The following EPHB1 variants were observed in gnomAD, a reference collection of about 807,000 sequenced individuals.
EPHB1 encodes EPH receptor B1.
In EPHB1, 30 loss-of-function variants were observed where a neutral mutation model predicts 94.4. That is an observed-to-expected ratio of 0.32 (90% CI 0.24 to 0.43). EPHB1 has a LOEUF of 0.43. EPHB1 is among the 20% of genes least tolerant of loss of function. EPHB1 has a pLI of 1.00. For missense variants in EPHB1, 1,055 were observed against 1,308.3 expected (o/e 0.81, Z 2.99); for synonymous variants, 522 against 489.1 (o/e 1.07, Z -0.89).
chr3:135,063,944 G>C (rs1229299849), intron 3 of EPHB1, among the ~76,000 whole-genome samples: 3 of 152,106 alleles, frequency 2.0e-5, no homozygotes, highest in African/African-American at 7.2e-5. Context: ...TGCATCTATT[G>C]AGATGATTAT....
At chr3:134,872,558 A>T (rs1453220987) in intron 1 of EPHB1, among the ~76,000 whole-genome samples, 1 of 152,242 alleles carries the variant, frequency 6.6e-6, no homozygotes, top group Non-Finnish European at 1.5e-5. Flanking sequence ...ATTTCCAATA[A>T]ATAAAGCAAA....
chr3:134,817,972 C>T (rs1425376046), intron 1 of EPHB1, among the ~76,000 whole-genome samples: 3 of 152,200 alleles, frequency 2.0e-5, no homozygotes, highest in Non-Finnish European at 2.9e-5. Context: ...TGCCTATGTT[C>T]CTACCCACTC....
intron 4 of EPHB1, among the ~76,000 whole-genome samples, chr3:135,108,070 G>A (rs946748349): frequency 5.3e-5 from 8 of 152,148 alleles, no homozygotes; most frequent in Non-Finnish European, 8.8e-5. Context: ...GATTGCCGAA[G>A]TATACGCCCA....
At chr3:135,096,281 G>A (rs1432465089) in intron 3 of EPHB1, among the ~76,000 whole-genome samples, 1 of 152,196 alleles carries the variant, frequency 6.6e-6, no homozygotes, top group Non-Finnish European at 1.5e-5. Flanking sequence ...GAGGGTCAAA[G>A]TTTAAATAAC....
intron 3 of EPHB1, among the ~76,000 whole-genome samples, chr3:135,014,058 G>A (rs1935710863): frequency 6.6e-6 from 1 of 152,130 alleles, no homozygotes; most frequent in Non-Finnish European, 1.5e-5. Flanking sequence ...TTGGGAGGAG[G>A]AGGTCTGCCC....
intron 9 of EPHB1, among the ~76,000 whole-genome samples, chr3:135,171,948 A>G (rs1319551632): frequency 6.6e-6 from 1 of 152,160 alleles, no homozygotes; most frequent in African/African-American, 2.4e-5. Context: ...GATCTGTCTG[A>G]CTCTGTGGTC....
intron 15 of EPHB1, among the ~76,000 whole-genome samples, chr3:135,254,631 G>A (rs1397420327): frequency 6.6e-6 from 1 of 152,146 alleles, no homozygotes; most frequent in Non-Finnish European, 1.5e-5. Context: ...TTTTATTGAA[G>A]ATTTTAGCAT....
At chr3:135,126,273 G>A (rs772358260) in intron 4 of EPHB1, among the ~76,000 whole-genome samples, 22 of 152,246 alleles carry the variant, frequency 1.4e-4, no homozygotes, top group Non-Finnish European at 3.1e-4. Flanking sequence ...CATTACATTT[G>A]TTGCTTTCCT....
intron 1 of EPHB1, among the ~76,000 whole-genome samples, chr3:134,881,060 A>T (rs74514007): frequency 0.06 from 9,115 of 151,878 alleles, 295 homozygotes; most frequent in South Asian, 0.12. Context: ...AAGTCTGAGC[A>T]CTCTGTTCTA....
At chr3:135,182,357 G>A (rs966760511) in intron 10 of EPHB1, among the ~76,000 whole-genome samples, 4 of 152,154 alleles carry the variant, frequency 2.6e-5, no homozygotes, top group East Asian at 1.9e-4. Context: ...AAGAAGAGTC[G>A]GAAGTCCTTT....
intron 1 of EPHB1, among the ~76,000 whole-genome samples, chr3:134,876,829 C>A (rs1249443826): frequency 6.6e-6 from 1 of 152,152 alleles, no homozygotes; most frequent in Non-Finnish European, 1.5e-5. Flanking sequence ...GGCTGTCAAT[C>A]CAGGGCTGGC....
intron 1 of EPHB1, among the ~76,000 whole-genome samples, chr3:134,820,097 G>C (rs909037213): frequency 6.7e-5 from 10 of 149,198 alleles, no homozygotes; most frequent in African/African-American, 1.7e-4. Context: ...CATACTAGTA[G>C]ACCCTGTTGA....
chr3:135,079,097 CAAAA>C (rs1295547220), intron 3 of EPHB1, among the ~76,000 whole-genome samples: 9 of 137,378 alleles, frequency 6.6e-5, no homozygotes, highest in African/African-American at 2.2e-4. Flanking sequence ...AAAAAAAAAA[CAAAA>C]CAAACAAACA....
At chr3:134,932,645 T>C (rs551768946) in intron 2 of EPHB1, among the ~76,000 whole-genome samples, 1 of 152,328 alleles carries the variant, frequency 6.6e-6, no homozygotes, top group African/African-American at 2.4e-5. Context: ...CTCTGTCATA[T>C]ATGAAACAAT....
At chr3:135,170,275 C>T in intron 9 of EPHB1, among the ~76,000 whole-genome samples, 1 of 152,152 alleles carries the variant, frequency 6.6e-6, no homozygotes, top group Non-Finnish European at 1.5e-5. Flanking sequence ...AACAGAATAC[C>T]TTCTCTAGCT....
rs1230664988 is a variant in EPHB1, at chr3:135,260,306, G to T, written c.*1186G>T. 4 of 232,854 alleles carry T rather than the reference G, an allele frequency of 1.7e-5. No individual in the cohort carries two copies. Among genetic ancestry groups the T allele is most frequent in the African/African-American group, 4.4e-5 (2 of 45,310 alleles). The allele number at this position is 232,854 out of a possible 1,614,324, so 14.4% of individuals were successfully genotyped here. On this transcript the variant is annotated 3_prime_UTR_variant, in exon 16 of 16. Coordinates refer to ENST00000398015, the MANE Select transcript of EPHB1 (RefSeq NM_004441.5). ...TCCGAGGAATGTTTCAAATGTGTCT[G>T]TGTTTCTCTTTACATTCCTTGTTGT...
intron 1 of EPHB1, among the ~76,000 whole-genome samples, chr3:134,810,247 C>T (rs751416287): frequency 1.8e-4 from 27 of 150,170 alleles, no homozygotes; most frequent in Admixed American, 6.0e-4. Flanking sequence ...TTTCCATTCA[C>T]GGGCTTGAAG....
At chr3:135,117,305 G>A (rs1939758042) in intron 4 of EPHB1, among the ~76,000 whole-genome samples, 1 of 152,204 alleles carries the variant, frequency 6.6e-6, no homozygotes, top group South Asian at 2.1e-4. Context: ...GATTTATTTT[G>A]AAACTGTGTG....
chr3:134,827,216 T>C (rs111576940), intron 1 of EPHB1, among the ~76,000 whole-genome samples: 1 of 152,252 alleles, frequency 6.6e-6, no homozygotes. Flanking sequence ...TTCACACAAT[T>C]ACTATATGGT....
Sources: allele counts gnomAD v4.1 joint callset (sites outside exome capture counted in the v4.1 genomes callset), GRCh38; gene constraint gnomAD v4.1.1; transcripts MANE v1.5; gene names NCBI Gene and HGNC (gene_info 2026-07-23, HGNC 2026-07-21).